Variants in DTX4 observed in about 807,000 individuals in gnomAD.
The protein encoded by DTX4 is deltex E3 ubiquitin ligase 4, also known as E3 ubiquitin-protein ligase DTX4.
Under a neutral mutation model 57.6 loss-of-function variants are expected in DTX4, and 28 were observed. The ratio of observed to expected loss-of-function variants is 0.49; its 90% CI spans 0.36 to 0.67. The LOEUF is 0.67. Among genes scored for constraint, DTX4 ranks in the 30% least tolerant of loss-of-function variants. The pLI is 0.00. For synonymous variants in DTX4, 316 were observed against 331.0 expected, an observed-to-expected ratio of 0.95 and a Z score of 0.49; for missense variants, 715 against 836.8, an observed-to-expected ratio of 0.85 and a Z score of 1.80.
chr11:59,195,590 A>C (rs1387764159), intron 7 of DTX4, among the ~76,000 whole-genome samples: 1 of 150,660 alleles, frequency 6.6e-6, no homozygotes, highest in Non-Finnish European at 1.5e-5. Flanking sequence ...AGAAAATCGC[A>C]TCCACCCTTC....
upstream of DTX4, among the ~76,000 whole-genome samples, chr11:59,172,022 G>A (rs1451154424): frequency 6.9e-6 from 1 of 145,460 alleles, no homozygotes; most frequent in Non-Finnish European, 1.5e-5. Flanking sequence ...ATTCTGGAAG[G>A]AACTGAGCAG....
Position 59,182,217 on chromosome 11 carries a change from C to T in DTX4, c.690C>T (p.Pro230=). ...CGCCTCCTGGAGTGGTCAAGCTACC[C>T]CCACTGCCAGGCTCTGGGGCCAAGC... The part of the protein sequence containing the change: ...NMPPPGVVKL[P]PLPGSGAKPL... The change falls in exon 2 of 9, where the codon CCC becomes CCT. Residue 230 remains proline (P), a synonymous_variant. Coordinates refer to ENST00000227451, the MANE Select transcript of DTX4 (RefSeq NM_015177.2). The T allele has an allele frequency of 6.2e-7, 1 of 1,609,732 alleles. No individual in the cohort carries two copies. The highest frequency in any genetic ancestry group is 1.3e-5 in the African/African-American group (1 of 74,986).
intron 8 of DTX4, 38 bp downstream of exon 8, chr11:59,199,811 A>G (rs765811169): frequency 3.3e-6 from 5 of 1,526,090 alleles, no homozygotes; most frequent in Non-Finnish European, 8.9e-7. Context: ...TAGGTTTTAG[A>G]ATAGATCGGG....
At chr11:59,176,233 A>G (rs1165309563) in intron 1 of DTX4, among the ~76,000 whole-genome samples, 6 of 152,236 alleles carry the variant, frequency 3.9e-5, no homozygotes, top group Admixed American at 3.9e-4. Context: ...TGATGACCAC[A>G]TGATAATTAC....
At chr11:59,182,501 G>A (rs760237508) in intron 2 of DTX4, 39 bp downstream of exon 2, 5 of 1,534,732 alleles carry the variant, frequency 3.3e-6, no homozygotes, top group Admixed American at 4.0e-5. Context: ...ATTTACTCAG[G>A]GTAGAGATAG....
At chr11:59,188,091 T>C (rs1862549365) in intron 2 of DTX4, among the ~76,000 whole-genome samples, 1 of 152,226 alleles carries the variant, frequency 6.6e-6, no homozygotes, top group Non-Finnish European at 1.5e-5. Context: ...TTCTTTGTTT[T>C]TTCATCCTTC....
At chr11:59,176,557 G>A (rs941615567) in intron 1 of DTX4, among the ~76,000 whole-genome samples, 1 of 152,180 alleles carries the variant, frequency 6.6e-6, no homozygotes, top group African/African-American at 2.4e-5. Flanking sequence ...TTGTCCTTAC[G>A]GAAAATTCTG....
intron 2 of DTX4, among the ~76,000 whole-genome samples, chr11:59,182,772 G>A (rs1163558411): frequency 6.6e-6 from 1 of 152,068 alleles, no homozygotes; most frequent in Non-Finnish European, 1.5e-5. Context: ...CGCCTGTTAG[G>A]GTGGCTGTGA....
intron 8 of DTX4, among the ~76,000 whole-genome samples, chr11:59,200,448 C>T (rs1386592322): frequency 6.6e-6 from 1 of 152,142 alleles, no homozygotes; most frequent in Non-Finnish European, 1.5e-5. Context: ...GTCCTGGGAC[C>T]AGCGCCAGTG....
chr11:59,188,868 G>A (rs1438088889), intron 3 of DTX4, 72 bp downstream of exon 3: 2 of 1,397,222 alleles, frequency 1.4e-6, no homozygotes, highest in Non-Finnish European at 2.0e-6. Flanking sequence ...ATGAGCATTT[G>A]TGGAAAAAAA....
At chr11:59,173,775 T>TG (rs534366019) in intron 1 of DTX4, among the ~76,000 whole-genome samples, 2 of 150,072 alleles carry the variant, frequency 1.3e-5, no homozygotes, top group South Asian at 2.2e-4. Flanking sequence ...GATGGGGCCT[T>TG]GGGGGGTGGG....
chr11:59,188,506 C>T (rs978925600), intron 2 of DTX4, among the ~76,000 whole-genome samples: 1 of 152,188 alleles, frequency 6.6e-6, no homozygotes, highest in African/African-American at 2.4e-5. Flanking sequence ...GCAGATCGTG[C>T]TGGGCTCTGT....
rs181799428 is a variant in DTX4, at chr11:59,202,649, T to C, written c.1627-2027T>C. Among the ~76,000 whole-genome samples, 81 of 152,322 alleles carry C rather than the reference T, an allele frequency of 5.3e-4. 1 individual carries two copies. The highest frequency in any genetic ancestry group is 1.9e-4 in the Non-Finnish European group (13 of 68,024). The stretch of plus-strand genomic sequence containing the variant: ...CAGAGTGGTGATTCAGACCATGGGC[T>C]ATGGAGTCAGGCAGTCCTGAAATCA... On this transcript the variant is annotated intron_variant, in intron 8 of 8. Transcript: ENST00000227451.
chr11:59,204,257 G>C (rs1457522609), intron 8 of DTX4, among the ~76,000 whole-genome samples: 1 of 152,168 alleles, frequency 6.6e-6, no homozygotes, highest in Non-Finnish European at 1.5e-5. Flanking sequence ...GAAGTTCTCA[G>C]ATCATAAGCG....
At chr11:59,203,064 C>T (rs1862758723) in intron 8 of DTX4, among the ~76,000 whole-genome samples, 1 of 152,148 alleles carries the variant, frequency 6.6e-6, no homozygotes, top group South Asian at 2.1e-4. Flanking sequence ...AAGGCACTTA[C>T]CACGAATGGT....
intron 6 of DTX4, chr11:59,194,960 A>G (rs926837688): frequency 9.0e-5 from 48 of 531,718 alleles, no homozygotes; most frequent in Admixed American, 2.6e-4. Context: ...CTCCTCAGGG[A>G]CAGGGGCTTC....
rs759878858 is a variant in DTX4 at position 59,204,911 on chromosome 11, G to A, written c.*2G>A. The A allele has an allele frequency of 1.3e-6, 2 of 1,570,698 alleles. No individual in the cohort carries two copies. Among genetic ancestry groups the A allele is most frequent in the Non-Finnish European group, 1.7e-6 (2 of 1,157,058 alleles). On this transcript the variant is annotated 3_prime_UTR_variant, in exon 9 of 9. Coordinates refer to ENST00000227451, the MANE Select transcript of DTX4 (RefSeq NM_015177.2). ...AGCACTGCCCAGGAGAAGGACTGAG[G>A]CCAGAAAAGCTTTGAGGTGGGAGGG...
chr11:59,188,926 G>A, intron 3 of DTX4, 130 bp downstream of exon 3: 1 of 1,009,202 alleles, frequency 9.9e-7, no homozygotes, highest in Non-Finnish European at 1.5e-6. Context: ...TTTAGGAATT[G>A]CATGGGAAGG....
In DTX4 at chr11:59,195,138, T is replaced by C. The variant is rs1035922456; in HGVS notation, c.1375-70T>C. 12 of 1,548,726 alleles carry C rather than the reference T, an allele frequency of 7.7e-6. No homozygotes were observed. In the African/African-American group the frequency reaches 1.2e-4, roughly 16 times the overall value. On this transcript the variant is annotated intron_variant, in intron 6 of 8. Transcript: ENST00000227451. ...CCTGGCCCTTCATCTCTGGTACCTT[T>C]TGGGACTGGGTGGGAAAGTTATTAC...
Sources: gnomAD v4.1 joint callset for allele counts (sites outside exome capture counted in the v4.1 genomes callset) on GRCh38, gnomAD v4.1.1 for gene constraint, MANE v1.5 for transcripts, NCBI Gene and HGNC (gene_info 2026-07-23, HGNC 2026-07-21) for gene names.